ACOT1: variants seen among roughly 807,000 people sequenced by gnomAD.
The protein encoded by ACOT1 is acyl-CoA thioesterase 1.
Under a neutral mutation model 15.7 loss-of-function variants are expected in ACOT1, and 8 were observed. That is an observed-to-expected ratio of 0.51 (90% confidence interval 0.30 to 0.92). The LOEUF is 0.92. ACOT1 is among the 40% of genes least tolerant of loss of function. ACOT1 has a pLI of 0.06. For synonymous variants in ACOT1, 67 were observed against 241.2 expected, an observed-to-expected ratio of 0.28 and a Z score of 6.69; for missense variants, 151 against 539.4, an observed-to-expected ratio of 0.28 and a Z score of 7.13.
the ACOT1 span, among the ~76,000 whole-genome samples, chr14:73,510,981 C>G: frequency 2.0e-5 from 3 of 152,156 alleles, no homozygotes; most frequent in Non-Finnish European, 4.4e-5. Flanking sequence ...TTCTCAGTCC[C>G]AATGTAATTT....
At chr14:73,512,029 A>T in the ACOT1 span, 1 of 1,613,996 alleles carries the variant, frequency 6.2e-7, no homozygotes, top group African/African-American at 1.3e-5. Context: ...GCTGGTGGCA[A>T]TCCGGGGCCG....
chr14:73,526,112 GGA>G, the ACOT1 span, among the ~76,000 whole-genome samples: 251 of 152,312 alleles, frequency 1.6e-3, 1 homozygote, highest in African/African-American at 5.7e-3. Context: ...ACAACAGCTT[GGA>G]GAGAGAATCT....
the ACOT1 span, chr14:73,491,505 C>G: frequency 1.3e-6 from 2 of 1,513,734 alleles, no homozygotes; most frequent in Admixed American, 4.2e-5. Flanking sequence ...TCGTCCGGGG[C>G]CCCTGCGACG....
the ACOT1 span, among the ~76,000 whole-genome samples, chr14:73,495,854 A>G: frequency 1.3e-5 from 2 of 152,144 alleles, no homozygotes; most frequent in Non-Finnish European, 2.9e-5. Context: ...CAGGCCAGGC[A>G]TGATGGCTCA....
chr14:73,530,233 C>G, the ACOT1 span: 1 of 145,356 alleles, frequency 6.9e-6, no homozygotes, highest in African/African-American at 2.5e-5. Flanking sequence ...TCCAGAAATG[C>G]TGGGACTGCG....
chr14:73,496,504 G>A, the ACOT1 span: 1 of 730,446 alleles, frequency 1.4e-6, no homozygotes, highest in African/African-American at 1.8e-5. Context: ...CTTCTATGGT[G>A]GGAAAAAGGG....
the ACOT1 span, chr14:73,493,146 G>A: frequency 1.9e-6 from 3 of 1,606,194 alleles, no homozygotes; most frequent in South Asian, 2.2e-5. Context: ...AGGAAAAGGA[G>A]AAGTTGGAGG....
the ACOT1 span, among the ~76,000 whole-genome samples, chr14:73,523,525 T>C: frequency 5.3e-5 from 8 of 152,238 alleles, no homozygotes; most frequent in South Asian, 1.7e-3. Context: ...CTTTCTTTCA[T>C]TCAAAAGGCT....
chr14:73,540,242 A>G (rs1889030781), intron 1 of ACOT1, among the ~76,000 whole-genome samples: 1 of 151,578 alleles, frequency 6.6e-6, no homozygotes, highest in African/African-American at 2.4e-5. Context: ...CAGGAGGCAT[A>G]TTCCTTATAA....
chr14:73,509,853 TATATATA>T, the ACOT1 span, among the ~76,000 whole-genome samples: 4 of 76,266 alleles, frequency 5.2e-5, no homozygotes, highest in African/African-American at 1.1e-4. Context: ...TATATATATA[TATATATA>T]TATATATATT....
the ACOT1 span, among the ~76,000 whole-genome samples, chr14:73,495,669 T>C: frequency 6.6e-6 from 1 of 152,178 alleles, no homozygotes; most frequent in Non-Finnish European, 1.5e-5. Context: ...CTTATGATAT[T>C]GGTTGGAGAT....
the ACOT1 span, chr14:73,508,257 C>G: frequency 1.2e-6 from 2 of 1,613,990 alleles, no homozygotes; most frequent in Non-Finnish European, 1.7e-6. Flanking sequence ...CTTCCAGAGC[C>G]AAGCACTGAG....
chr14:73,521,195 C>G, the ACOT1 span, among the ~76,000 whole-genome samples: 4 of 152,088 alleles, frequency 2.6e-5, no homozygotes, highest in Admixed American at 1.3e-4. Flanking sequence ...AGCCTTGTCC[C>G]CATGGTGCCA....
upstream of ACOT1, among the ~76,000 whole-genome samples, chr14:73,532,507 C>A (rs1212081300): frequency 1.7e-5 from 2 of 115,274 alleles, 1 homozygote; most frequent in Non-Finnish European, 3.8e-5. Context: ...GTCTCGTTGA[C>A]CCAGCTCATG....
the ACOT1 span, among the ~76,000 whole-genome samples, chr14:73,518,753 T>C: frequency 6.6e-6 from 1 of 152,172 alleles, no homozygotes; most frequent in Non-Finnish European, 1.5e-5. Context: ...AGCTGCCTTA[T>C]TGGTAACTAG....
the ACOT1 span, chr14:73,509,322 G>C: frequency 6.2e-7 from 1 of 1,614,012 alleles, no homozygotes; most frequent in Non-Finnish European, 8.5e-7. Context: ...CCTTCAGAAG[G>C]GCAGTCTGCA....
At chr14:73,491,667 A>G in the ACOT1 span, 367 of 1,549,798 alleles carry the variant, frequency 2.4e-4, no homozygotes, top group Middle Eastern at 7.0e-4. Flanking sequence ...CCGCCAGATC[A>G]CTTTTACCGG....
At chr14:73,518,957 G>A in the ACOT1 span, 2 of 1,502,044 alleles carry the variant, frequency 1.3e-6, no homozygotes, top group Non-Finnish European at 1.8e-6. Flanking sequence ...TGAATAGTGG[G>A]TAATGATGGG....
At chr14:73,492,589 C>T in the ACOT1 span, 95 of 1,613,744 alleles carry the variant, frequency 5.9e-5, no homozygotes, top group Non-Finnish European at 7.9e-5. This position sits in a 1 kb window ranked among gnomAD's most constrained non-coding sequence, Gnocchi z 4.9. Flanking sequence ...TAAGTGTTTA[C>T]GGGCTTCCAA....
Sources: gnomAD v4.1 joint callset for allele counts (sites outside exome capture counted in the v4.1 genomes callset) on GRCh38, gnomAD v4.1.1 for gene constraint, Gnocchi (gnomAD v3.1) non-coding constraint, MANE v1.5 for transcripts, NCBI Gene and HGNC (gene_info 2026-07-23, HGNC 2026-07-21) for gene names.